ERC2: variants seen among roughly 807,000 people sequenced by gnomAD.
ERC2 encodes the protein ERC protein 2.
In ERC2, 42 loss-of-function variants were observed where a neutral mutation model predicts 114.8. The ratio of observed to expected loss-of-function variants is 0.37; its 90% CI spans 0.29 to 0.47. The LOEUF (loss-of-function observed/expected upper bound fraction) is 0.47. Ranked by LOEUF, ERC2 falls within the 20% of genes least tolerant of loss-of-function variation. ERC2 has a pLI of 0.99. For missense variants in ERC2, 939 were observed against 1,150.7 expected (o/e 0.82, Z 2.66); for synonymous variants, 454 against 425.5 (o/e 1.07, Z -0.82).
chr3:55,566,398 CTG>C (rs1253931908), intron 17 of ERC2, among the ~76,000 whole-genome samples: 1 of 136,984 alleles, frequency 7.3e-6, no homozygotes, highest in Non-Finnish European at 1.6e-5. Flanking sequence ...TGTTACTATG[CTG>C]GTAATTCTAT....
chr3:55,644,999 C>T (rs926508932), intron 17 of ERC2, among the ~76,000 whole-genome samples: 12 of 152,108 alleles, frequency 7.9e-5, no homozygotes, highest in Admixed American at 1.3e-4. Flanking sequence ...TGAGAACTTC[C>T]CCCGTTTAAA....
chr3:55,582,941 A>G (rs2057332961), intron 17 of ERC2, among the ~76,000 whole-genome samples: 1 of 152,236 alleles, frequency 6.6e-6, no homozygotes, highest in Non-Finnish European at 1.5e-5. Flanking sequence ...CAGATAAGTG[A>G]CTTTATGCAG....
At chr3:55,614,891 C>T (rs1166585530) in intron 17 of ERC2, among the ~76,000 whole-genome samples, 3 of 152,228 alleles carry the variant, frequency 2.0e-5, no homozygotes, top group Admixed American at 6.5e-5. Context: ...AATTATATCA[C>T]TTACCACTAA....
intron 17 of ERC2, among the ~76,000 whole-genome samples, chr3:55,606,131 G>A (rs922025635): frequency 6.6e-6 from 1 of 152,196 alleles, no homozygotes; most frequent in African/African-American, 2.4e-5. Flanking sequence ...CAGAAATCAT[G>A]ATTGCAGGCC....
intron 14 of ERC2, among the ~76,000 whole-genome samples, chr3:55,784,080 G>A (rs1344261391): frequency 6.6e-6 from 1 of 152,222 alleles, no homozygotes. Context: ...TGTTTGAACA[G>A]ACAGAAATGG....
rs201251805 is a variant in ERC2, at chr3:55,727,349, G to A, written c.2712+7422C>T. Among the ~76,000 whole-genome samples the A allele has an allele frequency of 3.0e-4, 45 of 152,192 alleles. No homozygotes were observed. In the East Asian group the frequency reaches 7.1e-3, roughly 24 times the overall value. On this transcript the variant is annotated intron_variant, in intron 15 of 17. Transcript: ENST00000288221. ...AGCAAGATTATTTTTAAAAAGAAGC[G>A]AAGTAAAAGTATCAGAGGTATGTGC...
In ERC2 at chr3:56,139,531, C is replaced by G; in HGVS notation, c.1451G>C (p.Arg484Thr). The change falls in exon 6 of 18, where the codon AGG (arginine) becomes ACG (threonine). Residue 484 changes from arginine (R) to threonine (T), a missense_variant. Arg to Thr is a moderately conservative substitution (Grantham distance 71). Around this residue, in one of 5 missense-constraint regions of ERC2, gnomAD observed 149 missense variants for 254.6 expected, o/e 0.59. Coordinates refer to ENST00000288221, the MANE Select transcript of ERC2 (RefSeq NM_015576.3). ...TACCTCAGTCTGAAGGATGGCAGCC[C>G]TCTGTTCTTTGGCAGTAAGTGACTC... is the stretch of plus-strand genomic sequence containing the variant. ...LKESLTAKEQ[R>T]AAILQTEVDA... 1 of 1,613,648 alleles carries G rather than the reference C, an allele frequency of 6.2e-7. No individual in the cohort carries two copies. Among genetic ancestry groups the G allele is most frequent in the East Asian group, 2.2e-5 (1 of 44,844 alleles).
rs910704013 is a variant in ERC2 at position 56,446,370 on chromosome 3, A to G, written c.-140-11223T>C. Among the ~76,000 whole-genome samples the G allele has an allele frequency of 6.6e-5, 10 of 152,030 alleles. No individual in the cohort carries two copies. In the South Asian group the frequency reaches 1.2e-3, roughly 19 times the overall value. On this transcript the variant is annotated intron_variant, in intron 1 of 17. Coordinates refer to ENST00000288221, the MANE Select transcript of ERC2 (RefSeq NM_015576.3). ...ATTGACAAAGTGTGTGGGTAAGGCT[A>G]GAAGCTTCTGGAGACCTCGCATGCT...
intron 17 of ERC2, among the ~76,000 whole-genome samples, chr3:55,661,521 T>C (rs1383457989): frequency 6.6e-6 from 1 of 152,160 alleles, no homozygotes; most frequent in African/African-American, 2.4e-5. Context: ...ACTGCACCAC[T>C]CTGACTCTTA....
chr3:56,016,644 C>G (rs1284867697), intron 8 of ERC2, among the ~76,000 whole-genome samples: 6 of 151,986 alleles, frequency 3.9e-5, no homozygotes, highest in African/African-American at 1.4e-4. Context: ...TCAACAGGAG[C>G]TTCCTGGTAA....
intron 17 of ERC2, chr3:55,659,412 A>C (rs1360404815): frequency 6.6e-6 from 1 of 152,172 alleles, no homozygotes; most frequent in Non-Finnish European, 1.5e-5. Context: ...CACCAGACGA[A>C]CAAACCCCGT....
intron 2 of ERC2, among the ~76,000 whole-genome samples, chr3:56,394,104 A>T (rs1369666779): frequency 6.6e-6 from 1 of 152,224 alleles, no homozygotes; most frequent in Non-Finnish European, 1.5e-5. Flanking sequence ...TTGCTTGTCC[A>T]AGGTCAGCCA....
chr3:56,256,695 G>A (rs1213166725), intron 3 of ERC2, among the ~76,000 whole-genome samples: 1 of 152,110 alleles, frequency 6.6e-6, no homozygotes, highest in Non-Finnish European at 1.5e-5. Context: ...ATGTGTTGAG[G>A]GAAGGAAGTG....
At chr3:55,609,521 G>T (rs1330893012) in intron 17 of ERC2, among the ~76,000 whole-genome samples, 1 of 152,140 alleles carries the variant, frequency 6.6e-6, no homozygotes, top group Non-Finnish European at 1.5e-5. Context: ...GGAGCCAAGA[G>T]ATGTGGAGGG....
chr3:56,427,169 A>G (rs1357399785), intron 2 of ERC2, among the ~76,000 whole-genome samples: 1 of 151,860 alleles, frequency 6.6e-6, no homozygotes, highest in Non-Finnish European at 1.5e-5. Flanking sequence ...CTCAGAAAAA[A>G]AAAAAAAGAA....
intron 3 of ERC2, among the ~76,000 whole-genome samples, chr3:56,274,722 G>A (rs1163097477): frequency 1.3e-5 from 2 of 152,122 alleles, no homozygotes; most frequent in East Asian, 1.9e-4. Flanking sequence ...TCTATGTCAG[G>A]TTAGATTACT....
intron 14 of ERC2, among the ~76,000 whole-genome samples, chr3:55,744,919 G>T (rs2066214209): frequency 6.6e-6 from 1 of 152,146 alleles, no homozygotes; most frequent in African/African-American, 2.4e-5. Flanking sequence ...TGCCTGAGAT[G>T]ACCACACAAG....
chr3:56,397,523 A>C (rs2060357025), intron 2 of ERC2, among the ~76,000 whole-genome samples: 1 of 152,084 alleles, frequency 6.6e-6, no homozygotes, highest in South Asian at 2.1e-4. Context: ...TTTTCCACTT[A>C]CATAATGATG....
At chr3:56,373,039 T>C (rs961186968) in intron 2 of ERC2, among the ~76,000 whole-genome samples, 1 of 152,258 alleles carries the variant, frequency 6.6e-6, no homozygotes, top group East Asian at 1.9e-4. Context: ...GTGTTGTACT[T>C]TGACAAATAC....
Sources: gnomAD v4.1 joint callset for allele counts (sites outside exome capture counted in the v4.1 genomes callset) on GRCh38, gnomAD v4.1.1 for gene constraint, gnomAD v4.1.1 regional missense constraint, MANE v1.5 for transcripts, NCBI Gene and HGNC (gene_info 2026-07-23, HGNC 2026-07-21) for gene names.